Variants in ATP4A observed in about 807,000 individuals in gnomAD.
ATP4A encodes potassium-transporting ATPase alpha chain 1.
ATP4A carries 73 observed loss-of-function variants against 112.1 expected under a neutral mutation model. The observed-to-expected ratio is 0.65, with a 90% CI of 0.54 to 0.79. The LOEUF is 0.79. Among genes scored for constraint, ATP4A ranks in the 30% least tolerant of loss-of-function variants. The pLI, the probability that ATP4A is intolerant of heterozygous loss-of-function variation, is 0.00. For missense variants in ATP4A, 1,081 were observed against 1,425.9 expected (o/e 0.76, Z 3.90); for synonymous variants, 588 against 588.9 (o/e 1.00, Z 0.02).
At position 35,553,662 on chromosome 19, in the gene ATP4A, G is replaced by A. The variant is rs201774608; in HGVS notation, c.2605+44C>T. On this transcript the variant is annotated intron_variant, in intron 17 of 21. Coordinates refer to ENST00000262623, the MANE Select transcript of ATP4A (RefSeq NM_000704.3). The stretch of plus-strand genomic sequence containing the variant: ...GCCTGGGGCAGGCGAGCAGCCCAGC[G>A]CAGAGCCCCCCACCTCCAGGCTCCC... 73 of 1,606,260 alleles carry A rather than the reference G, an allele frequency of 4.5e-5. No individual in the cohort carries two copies. In the East Asian group the frequency reaches 4.9e-4, roughly 11 times the overall value.
chr19:35,563,315 C>T (rs777926930), intron 2 of ATP4A, 47 bp from the exon 3 acceptor site: 1 of 1,613,546 alleles, frequency 6.2e-7, no homozygotes, highest in Non-Finnish European at 8.5e-7. Context: ...CTCTCCTGGC[C>T]CCCTCCCCGC....
At position 35,559,170 on chromosome 19, in the gene ATP4A, T is replaced by A; in HGVS notation, c.1078A>T (p.Lys360Ter). The stretch of plus-strand genomic sequence containing the variant: ...ACGCAGTTCTTACTGGCCAGGCGCT[T>A]GGCTGTCAGGGACAGGCAGACCTGG... The part of the protein sequence containing the change: ...TVTVCLSLTA[K>*]RLASKNCVVK... The change falls in exon 8 of 22, where the codon AAG becomes TAG. Residue 360 changes from lysine (K) to a stop codon, truncating the protein, a stop_gained. Transcript: ENST00000262623. LOFTEE classifies it high-confidence loss of function. The surrounding 1 kb of genome is among the most constrained non-coding windows in gnomAD (Gnocchi z 4.1). The A allele has an allele frequency of 6.2e-7, 1 of 1,614,064 alleles. No individual in the cohort carries two copies. The highest frequency in any genetic ancestry group is 1.7e-5 in the Admixed American group (1 of 60,020).
Position 35,550,312 on chromosome 19 carries a change from C to A in ATP4A, c.*303G>T. Reference sequence around the variant, plus strand: ...CTGGAGTCCTAAGAACAGAAACACCCTCCAGAAGCGGTCAGCTGTACTCCC... The same window carrying A: ...CTGGAGTCCTAAGAACAGAAACACCATCCAGAAGCGGTCAGCTGTACTCCC... On this transcript the variant is annotated 3_prime_UTR_variant, in exon 22 of 22. Transcript: ENST00000262623. This position sits in a 1 kb window ranked among gnomAD's most constrained non-coding sequence, Gnocchi z 4.1. The A allele has an allele frequency of 2.2e-6, 1 of 461,246 alleles. No homozygotes were observed. Among genetic ancestry groups the A allele is most frequent in the South Asian group, 2.4e-5 (1 of 40,924 alleles). 28.6% of individuals were successfully genotyped at this position (461,246 alleles called of 1,614,324 possible). A position where few individuals can be genotyped will look rare whatever the true frequency, so the allele number is the denominator to read the frequency against.
In ATP4A at chr19:35,560,046, G is replaced by A. The variant is rs959527964; in HGVS notation, c.815C>T (p.Thr272Met). 5.0e-6 allele frequency: 8 copies of A among 1,613,974 alleles called. No homozygotes were observed. The highest frequency in any genetic ancestry group is 3.3e-5 in the South Asian group (3 of 91,084). Residue 272 changes from threonine (T) to methionine (M), a missense_variant, in exon 7 of 22, where the codon ACG becomes ATG. By Grantham distance (81) the Thr-to-Met change is moderately conservative. Transcript: ENST00000262623. This position sits in a 1 kb window ranked among gnomAD's most constrained non-coding sequence, Gnocchi z 5.1. The stretch of plus-strand genomic sequence containing the variant: ...GCGCCCAATGATGGTGCGGTCGCCC[G>A]TGTTCACCACCAGGCCCTGCACGGT... ...EGTVQGLVVN[T>M]GDRTIIGRIA...
Position 35,559,237 on chromosome 19 carries a change from C to G in ATP4A, c.1057-46G>C. ...GCAGGCTGGGGACCCACCCTGGCTTCCAGTCCTCTTCCCCGCGTCAAAGAA... is the reference window on the plus strand; with the variant it reads ...GCAGGCTGGGGACCCACCCTGGCTTGCAGTCCTCTTCCCCGCGTCAAAGAA... On this transcript the variant is annotated intron_variant, in intron 7 of 21. Coordinates refer to ENST00000262623, the MANE Select transcript of ATP4A (RefSeq NM_000704.3). This position sits in a 1 kb window ranked among gnomAD's most constrained non-coding sequence, Gnocchi z 4.1. The G allele has an allele frequency of 6.3e-7, 1 of 1,593,236 alleles. No individual in the cohort carries two copies. The highest frequency in any genetic ancestry group is 1.7e-5 in the Admixed American group (1 of 59,924).
At position 35,551,599 on chromosome 19, in the gene ATP4A, C is replaced by T. The variant is rs200249609; in HGVS notation, c.2752-19G>A. On this transcript the variant is annotated intron_variant, in intron 18 of 21. Coordinates refer to ENST00000262623, the MANE Select transcript of ATP4A (RefSeq NM_000704.3). The surrounding 1 kb of genome is among the most constrained non-coding windows in gnomAD (Gnocchi z 5.2). ...CGAATGTCTGCAGGCCAGGGGCAAA[C>T]GGAAACAGCCTGAGTCCAGCCTGAG... is the stretch of plus-strand genomic sequence containing the variant. 1,303 of 1,607,592 alleles carry T rather than the reference C, an allele frequency of 8.1e-4. 6 individuals are homozygous for T. The highest frequency in any genetic ancestry group is 2.2e-4 in the Non-Finnish European group (254 of 1,177,010).
chr19:35,559,756 G>T lies in ATP4A; in HGVS notation c.1056+49C>A. On this transcript the variant is annotated intron_variant, in intron 7 of 21. Transcript: ENST00000262623. The surrounding 1 kb of genome is among the most constrained non-coding windows in gnomAD (Gnocchi z 4.1). Reference sequence around the variant, plus strand: ...GGGAAATGTGGAGGAAAGAACAGATGGTTGAGCAGGCCCCTCAGCTCCCTG... The same window carrying T: ...GGGAAATGTGGAGGAAAGAACAGATTGTTGAGCAGGCCCCTCAGCTCCCTG... 6.3e-7 allele frequency: 1 copy of T among 1,595,870 alleles called. No homozygotes were observed. Among genetic ancestry groups the T allele is most frequent in the South Asian group, 1.1e-5 (1 of 88,966 alleles).
In ATP4A at chr19:35,554,777, C is replaced by T. The variant is rs148244145; in HGVS notation, c.2481+145G>A. The T allele has an allele frequency of 5.8e-5, 70 of 1,204,780 alleles. No homozygotes were observed. The Middle Eastern group carries it at 8.4e-4, about 14-fold the overall frequency. 74.6% of individuals were successfully genotyped at this position (1,204,780 alleles called of 1,614,324 possible). On this transcript the variant is annotated intron_variant, in intron 16 of 21. Transcript: ENST00000262623. ...GTTCACCTGCCTGCCACCCATGTGTCCTGCACTGGCTGTCATTGCACACAC... is the reference window on the plus strand; with the variant it reads ...GTTCACCTGCCTGCCACCCATGTGTTCTGCACTGGCTGTCATTGCACACAC...
intron 4 of ATP4A, among the ~76,000 whole-genome samples, chr19:35,561,839 TC>T (rs2071672539): frequency 6.9e-6 from 1 of 144,776 alleles, no homozygotes; most frequent in Non-Finnish European, 1.5e-5. Flanking sequence ...TGCTTCCAAG[TC>T]CCATCTCTTT....
rs781779919 is a variant in ATP4A at position 35,563,260 on chromosome 19, G to A, written c.165C>T (p.His55=). ...NMKKEMEIND[H]QLSVAELEQK... ...GTTCCAGCTCCGCCACTGACAGCTGGTGGTCGTTCTGTGTGGTGGGGTGGG... is the reference window on the plus strand; with the variant it reads ...GTTCCAGCTCCGCCACTGACAGCTGATGGTCGTTCTGTGTGGTGGGGTGGG... Residue 55 remains histidine, a synonymous_variant, in exon 3 of 22, where the codon CAC becomes CAT. Transcript: ENST00000262623. 3 of 1,613,934 alleles carry A rather than the reference G, an allele frequency of 1.9e-6. No individual in the cohort carries two copies. Among genetic ancestry groups the A allele is most frequent in the African/African-American group, 1.3e-5 (1 of 74,868 alleles).
chr19:35,561,253 C>T (rs546358154), intron 4 of ATP4A, among the ~76,000 whole-genome samples: 21 of 152,168 alleles, frequency 1.4e-4, no homozygotes, highest in African/African-American at 5.1e-4. Flanking sequence ...TGACGTGTTC[C>T]CTTCTCCTGT....
chr19:35,551,302 T>G lies in ATP4A; in HGVS notation c.2885+145A>C. 7.4e-7 allele frequency: 1 copy of G among 1,359,766 alleles called. No homozygotes were observed. The highest frequency in any genetic ancestry group is 1.3e-5 in the South Asian group (1 of 74,440). The allele number at this position is 1,359,766 out of a possible 1,614,324, so 84.2% of individuals were successfully genotyped here. ...TGGAGGGGGCCGTGGGGGGAGTTATTGGCCAGTTAGAAAGGTTTTTTTGGC... is the reference window on the plus strand; with the variant it reads ...TGGAGGGGGCCGTGGGGGGAGTTATGGGCCAGTTAGAAAGGTTTTTTTGGC... On this transcript the variant is annotated intron_variant, in intron 19 of 21. Transcript: ENST00000262623. The surrounding 1 kb of genome is among the most constrained non-coding windows in gnomAD (Gnocchi z 5.2).
chr19:35,560,897 G>T lies in ATP4A; in HGVS notation c.456C>A (p.Val152=). Residue 152 remains valine (V), a synonymous_variant, in exon 5 of 22, where the codon GTC becomes GTA. Transcript: ENST00000262623. This position sits in a 1 kb window ranked among gnomAD's most constrained non-coding sequence, Gnocchi z 5.1. The stretch of plus-strand genomic sequence containing the variant: ...GGTAGTAGCCAAAGCAGCCGGTGAC[G>T]ACAACCACAGCAATGAGAGCGATTG... ...YLAIALIAVV[V]VTGCFGYYQE... 2 of 1,613,954 alleles carry T rather than the reference G, an allele frequency of 1.2e-6. No homozygotes were observed. The highest frequency in any genetic ancestry group is 1.7e-6 in the Non-Finnish European group (2 of 1,179,952).
At position 35,550,809 on chromosome 19, in the gene ATP4A, C is replaced by T; in HGVS notation, c.3079+25G>A. 1 of 1,613,890 alleles carries T rather than the reference C, an allele frequency of 6.2e-7. No homozygotes were observed. ...GCTCAAACGTTTCAGTCCCCTGCCCCCAGGCTCCCAGTCTCCACACTCACT... is the reference window on the plus strand; with the variant it reads ...GCTCAAACGTTTCAGTCCCCTGCCCTCAGGCTCCCAGTCTCCACACTCACT... On this transcript the variant is annotated intron_variant, in intron 21 of 21. Transcript: ENST00000262623. The surrounding 1 kb of genome is among the most constrained non-coding windows in gnomAD (Gnocchi z 4.1).
At chr19:35,562,697 G>A (rs1018235748) in intron 3 of ATP4A, 59 bp from the exon 4 acceptor site, 51 of 1,487,312 alleles carry the variant, frequency 3.4e-5, no homozygotes, top group Middle Eastern at 2.3e-4. Flanking sequence ...TGCACACCCC[G>A]TGGAAAGCCC....
Position 35,557,908 on chromosome 19 carries a change from GGGAAC to G in ATP4A, c.1501-66_1501-62del. The G allele has an allele frequency of 8.7e-7, 1 of 1,143,632 alleles. No individual in the cohort carries two copies. 70.8% of individuals were successfully genotyped at this position (1,143,632 alleles called of 1,614,324 possible). On this transcript the variant is annotated intron_variant, in intron 10 of 21. Transcript: ENST00000262623. The surrounding 1 kb of genome is among the most constrained non-coding windows in gnomAD (Gnocchi z 4.4). Reference sequence around the variant, plus strand: ...GGGAACGGGGCGGGGCTGTGGACGAGGGAACGGGGCGGGGCTGAGGAGAGGGGCGG... The same window carrying G: ...GGGAACGGGGCGGGGCTGTGGACGAGGGGGCGGGGCTGAGGAGAGGGGCGG...
chr19:35,560,380 GAGA>G lies in ATP4A; in HGVS notation c.767_769del (p.Phe256del). On this transcript the variant is annotated inframe_deletion, in exon 6 of 22. Coordinates refer to ENST00000262623, the MANE Select transcript of ATP4A (RefSeq NM_000704.3). The surrounding 1 kb of genome is among the most constrained non-coding windows in gnomAD (Gnocchi z 5.1). The stretch of plus-strand genomic sequence containing the variant: ...TCACAGACCCTCAAGGCACATGGTG[GAGA>G]AGAAGGCGATGTTGCGGGTCTCCAG... 6.2e-7 allele frequency: 1 copy of G among 1,613,954 alleles called. No homozygotes were observed. Among genetic ancestry groups the G allele is most frequent in the African/African-American group, 1.3e-5 (1 of 75,050 alleles).
intron 12 of ATP4A, among the ~76,000 whole-genome samples, chr19:35,556,217 C>T (rs1359702861): frequency 6.6e-6 from 1 of 152,060 alleles, no homozygotes; most frequent in African/African-American, 2.4e-5. Flanking sequence ...GGTGCAAAGG[C>T]CCTGAGGTGA....
chr19:35,560,079 G>A lies in ATP4A; in HGVS notation c.788-6C>T, dbSNP rs1385325395. ...CACCAGGCCCTGCACGGTGCCTGCA[G>A]GGGGGCCAAGGCGCGACTCAGGGAT... On this transcript the variant is annotated splice_polypyrimidine_tract_variant and splice_region_variant and intron_variant, in intron 6 of 21. Transcript: ENST00000262623. The surrounding 1 kb of genome is among the most constrained non-coding windows in gnomAD (Gnocchi z 5.1). 2 of 1,609,436 alleles carry A rather than the reference G, an allele frequency of 1.2e-6. No homozygotes were observed. Among genetic ancestry groups the A allele is most frequent in the African/African-American group, 1.3e-5 (1 of 74,820 alleles).
Sources: allele counts gnomAD v4.1 joint callset (sites outside exome capture counted in the v4.1 genomes callset), GRCh38; gene constraint gnomAD v4.1.1; non-coding constraint Gnocchi (gnomAD v3.1); transcripts MANE v1.5; gene names NCBI Gene and HGNC (gene_info 2026-07-23, HGNC 2026-07-21).